TDRD3: variants seen among roughly 807,000 people sequenced by gnomAD.
TDRD3 encodes the protein tudor domain containing 3, also known as tudor domain-containing protein 3.
In TDRD3, 45 loss-of-function variants were observed where a neutral mutation model predicts 86.7. The observed-to-expected ratio is 0.52, with a 90% CI of 0.41 to 0.67. The LOEUF is 0.67. Ranked by LOEUF, TDRD3 falls within the 30% of genes least tolerant of loss-of-function variation. The pLI is 0.00. For synonymous variants in TDRD3, 298 were observed against 301.7 expected (o/e 0.99, Z 0.13); for missense variants, 814 against 889.0 (o/e 0.92, Z 1.07).
rs372275896 is a variant in TDRD3, at chr13:60,549,697, G to A, written c.2118+14464G>A. ...ATCTCAGTAAAGAAAGTAAGAAAAC[G>A]TAGAAAATAATTTTGTTTAAACTTT... On this transcript the variant is annotated intron_variant, in intron 12 of 13. Transcript: ENST00000377881. Among the ~76,000 whole-genome samples, 17 of 152,092 alleles carry A rather than the reference G, an allele frequency of 1.1e-4. No homozygotes were observed. In the South Asian group the frequency reaches 1.7e-3, roughly 15 times the overall value.
At chr13:60,413,064 A>G (rs1464203884) in intron 1 of TDRD3, among the ~76,000 whole-genome samples, 1 of 151,102 alleles carries the variant, frequency 6.6e-6, no homozygotes, top group Non-Finnish European at 1.5e-5. Flanking sequence ...TTTTTGCCTA[A>G]GTACCCAATA....
intron 7 of TDRD3, among the ~76,000 whole-genome samples, chr13:60,490,188 C>T (rs1230380039): frequency 2.0e-5 from 3 of 150,796 alleles, no homozygotes; most frequent in Non-Finnish European, 4.4e-5. Flanking sequence ...AGGACTCAAT[C>T]GATGTAACTC....
intron 12 of TDRD3, among the ~76,000 whole-genome samples, chr13:60,553,235 G>A (rs1958106642): frequency 6.6e-6 from 1 of 152,266 alleles, no homozygotes; most frequent in Admixed American, 6.5e-5. Context: ...TTCAGGATAA[G>A]CCAGGTCACC....
chr13:60,569,070 G>A (rs9538752), intron 13 of TDRD3, among the ~76,000 whole-genome samples: 17,976 of 152,146 alleles, frequency 0.12, 1,379 homozygotes, highest in South Asian at 0.26. Flanking sequence ...CTGGGCTCAA[G>A]ACGTCCTGCC....
At chr13:60,568,664 T>A (rs1433608376) in intron 13 of TDRD3, among the ~76,000 whole-genome samples, 2 of 152,212 alleles carry the variant, frequency 1.3e-5, no homozygotes, top group African/African-American at 4.8e-5. Flanking sequence ...AAGCCTTTCC[T>A]CTATGATCTG....
At chr13:60,411,527 A>G (rs1484946922) in intron 1 of TDRD3, among the ~76,000 whole-genome samples, 1 of 152,222 alleles carries the variant, frequency 6.6e-6, no homozygotes, top group Non-Finnish European at 1.5e-5. Context: ...CTTAAAAAAA[A>G]TGCCCTGCCT....
chr13:60,465,510 G>A (rs932994153), intron 4 of TDRD3, among the ~76,000 whole-genome samples: 1 of 152,130 alleles, frequency 6.6e-6, no homozygotes, highest in Non-Finnish European at 1.5e-5. Flanking sequence ...CACTAAAAAT[G>A]ATTAAGCTTG....
At chr13:60,506,798 A>C (rs1430210639) in intron 8 of TDRD3, among the ~76,000 whole-genome samples, 1 of 152,184 alleles carries the variant, frequency 6.6e-6, no homozygotes, top group African/African-American at 2.4e-5. Flanking sequence ...TGCATCAGCT[A>C]AAGGGCAAAA....
intron 11 of TDRD3, among the ~76,000 whole-genome samples, chr13:60,534,159 A>T (rs1957646689): frequency 6.6e-6 from 1 of 152,102 alleles, no homozygotes; most frequent in Non-Finnish European, 1.5e-5. Context: ...AAAAATTTTT[A>T]AAAATTAGCC....
chr13:60,467,942 T>C (rs567137055), intron 5 of TDRD3, among the ~76,000 whole-genome samples: 3 of 152,306 alleles, frequency 2.0e-5, no homozygotes, highest in African/African-American at 7.2e-5. Flanking sequence ...TCAAATCTCG[T>C]ATCACTTCCT....
intron 8 of TDRD3, among the ~76,000 whole-genome samples, chr13:60,508,539 A>G (rs1956986465): frequency 6.6e-6 from 1 of 152,216 alleles, no homozygotes; most frequent in African/African-American, 2.4e-5. Context: ...TATTTAATAA[A>G]TTTTGCTGGG....
chr13:60,434,726 A>G (rs1955048062), intron 1 of TDRD3, among the ~76,000 whole-genome samples: 1 of 152,066 alleles, frequency 6.6e-6, no homozygotes, highest in South Asian at 2.1e-4. Context: ...TGGCTGTTTT[A>G]GTAAACAAGA....
At chr13:60,558,547 T>G (rs1445434992) in intron 12 of TDRD3, among the ~76,000 whole-genome samples, 1 of 152,230 alleles carries the variant, frequency 6.6e-6, no homozygotes, top group Non-Finnish European at 1.5e-5. Flanking sequence ...ACCTTTAAAA[T>G]GTTGTTTCTA....
chr13:60,450,993 A>G (rs1955526917), intron 3 of TDRD3, among the ~76,000 whole-genome samples: 2 of 152,192 alleles, frequency 1.3e-5, no homozygotes, highest in African/African-American at 4.8e-5. Flanking sequence ...CACACACTAT[A>G]TTTAATGTTT....
intron 1 of TDRD3, among the ~76,000 whole-genome samples, chr13:60,404,378 T>C (rs1954180794): frequency 6.7e-6 from 1 of 148,354 alleles, no homozygotes; most frequent in South Asian, 2.2e-4. Context: ...TGGCGGGATC[T>C]CGGCTCACTG....
intron 7 of TDRD3, among the ~76,000 whole-genome samples, chr13:60,489,228 T>A (rs1420442091): frequency 3.3e-5 from 5 of 152,172 alleles, no homozygotes; most frequent in Non-Finnish European, 5.9e-5. Context: ...GTAATAGGTG[T>A]TTTTCCTAGT....
intron 1 of TDRD3, among the ~76,000 whole-genome samples, chr13:60,424,870 T>G (rs1954763670): frequency 6.6e-6 from 1 of 152,210 alleles, no homozygotes; most frequent in East Asian, 1.9e-4. Flanking sequence ...ACGTTTCATA[T>G]AAGTGGAATC....
chr13:60,427,155 T>G (rs1439518591), intron 1 of TDRD3, among the ~76,000 whole-genome samples: 2 of 150,104 alleles, frequency 1.3e-5, no homozygotes. Flanking sequence ...TATTGAAAAC[T>G]TTTTTTTCTT....
At chr13:60,443,512 C>T (rs1219444740) in intron 2 of TDRD3, among the ~76,000 whole-genome samples, 1 of 151,916 alleles carries the variant, frequency 6.6e-6, no homozygotes, top group Non-Finnish European at 1.5e-5. Flanking sequence ...TAGTAAAAAA[C>T]TGGAAAGAAT....
Sources: gnomAD v4.1 joint callset for allele counts (sites outside exome capture counted in the v4.1 genomes callset) on GRCh38, gnomAD v4.1.1 for gene constraint, MANE v1.5 for transcripts, NCBI Gene and HGNC (gene_info 2026-07-23, HGNC 2026-07-21) for gene names.